The following CACNA2D2 variants were observed in gnomAD, a reference collection of about 807,000 sequenced individuals.
CACNA2D2 encodes calcium voltage-gated channel auxiliary subunit alpha2delta 2.
Under a neutral mutation model 166.4 loss-of-function variants are expected in CACNA2D2, and 48 were observed. The ratio of observed to expected loss-of-function variants is 0.29; its 90% CI spans 0.23 to 0.37. CACNA2D2 has a LOEUF of 0.37. CACNA2D2 is among the 10% of genes least tolerant of loss of function. The pLI is 1.00. For synonymous variants in CACNA2D2, 561 were observed against 573.7 expected (o/e 0.98, Z 0.32); for missense variants, 1,122 against 1,433.0 (o/e 0.78, Z 3.50).
intron 1 of CACNA2D2, among the ~76,000 whole-genome samples, chr3:50,502,966 G>T (rs1192746068): frequency 6.6e-6 from 1 of 152,222 alleles, no homozygotes; most frequent in Non-Finnish European, 1.5e-5. Context: ...GGGGCTTGAA[G>T]ATCTTGCCTT....
intron 13 of CACNA2D2, among the ~76,000 whole-genome samples, chr3:50,378,644 C>A (rs1705117158): frequency 6.6e-6 from 1 of 152,208 alleles, no homozygotes; most frequent in Non-Finnish European, 1.5e-5. Flanking sequence ...CCCAAGTGCA[C>A]AGAGAGATGG....
intron 1 of CACNA2D2, among the ~76,000 whole-genome samples, chr3:50,492,614 G>T (rs567575286): frequency 7.9e-5 from 12 of 152,330 alleles, no homozygotes; most frequent in Middle Eastern, 3.4e-3. Context: ...GTAAGGGTGG[G>T]GCTGTTCTAC....
intron 2 of CACNA2D2, among the ~76,000 whole-genome samples, chr3:50,438,593 C>T (rs1575686968): frequency 6.6e-6 from 1 of 152,176 alleles, no homozygotes; most frequent in Admixed American, 6.5e-5. Context: ...GAGCCAGCCT[C>T]GTTCCCACAG....
In CACNA2D2 at chr3:50,380,254, T is replaced by A. The variant is rs41308273; in HGVS notation, c.843-236A>T. The stretch of plus-strand genomic sequence containing the variant: ...TACCAGGGGGTATATGAGCAGGTGA[T>A]CCCCAGAGGGGGCAGGAGCCACATT... On this transcript the variant is annotated intron_variant, in intron 8 of 37. Coordinates refer to ENST00000424201, the MANE Select transcript of CACNA2D2 (RefSeq NM_006030.4). This position sits in a 1 kb window ranked among gnomAD's most constrained non-coding sequence, Gnocchi z 4.9. 0.027 allele frequency among the ~76,000 whole-genome samples: 4,115 copies of A among 152,338 alleles called. 92 individuals carry two copies. The highest frequency in any genetic ancestry group is 0.034 in the Non-Finnish European group (2,324 of 68,036).
chr3:50,497,694 A>G (rs1189010734), intron 1 of CACNA2D2, among the ~76,000 whole-genome samples: 6 of 152,148 alleles, frequency 3.9e-5, no homozygotes, highest in Non-Finnish European at 4.4e-5. Flanking sequence ...GGGAGGCCCC[A>G]AGAGACCCCT....
intron 1 of CACNA2D2, among the ~76,000 whole-genome samples, chr3:50,494,659 T>C (rs1016707785): frequency 2.0e-5 from 3 of 152,028 alleles, no homozygotes; most frequent in African/African-American, 4.8e-5. Flanking sequence ...ACCCATGCCA[T>C]AGATTTTATT....
At chr3:50,492,625 T>C (rs531062876) in intron 1 of CACNA2D2, among the ~76,000 whole-genome samples, 4 of 152,194 alleles carry the variant, frequency 2.6e-5, no homozygotes, top group South Asian at 2.1e-4. Flanking sequence ...GCTGTTCTAC[T>C]GGGAGGGGGA....
chr3:50,469,904 TG>T (rs147753161), intron 2 of CACNA2D2, among the ~76,000 whole-genome samples: 3,550 of 152,270 alleles, frequency 0.023, 68 homozygotes, highest in Non-Finnish European at 0.03. Context: ...CCCCATCCCC[TG>T]GGAACTGATC....
chr3:50,466,865 T>C (rs1709847222), intron 2 of CACNA2D2, among the ~76,000 whole-genome samples: 1 of 152,162 alleles, frequency 6.6e-6, no homozygotes, highest in African/African-American at 2.4e-5. Flanking sequence ...ACAACCCCCA[T>C]CTTCTGTCTG....
chr3:50,430,728 T>C (rs1708025064), intron 3 of CACNA2D2, among the ~76,000 whole-genome samples: 1 of 152,108 alleles, frequency 6.6e-6, no homozygotes, highest in African/African-American at 2.4e-5. Context: ...CTGATTTGGG[T>C]CCAAGTCTGC....
At chr3:50,480,383 G>A (rs2107110698) in intron 1 of CACNA2D2, among the ~76,000 whole-genome samples, 1 of 152,224 alleles carries the variant, frequency 6.6e-6, no homozygotes, top group South Asian at 2.1e-4. Flanking sequence ...GTCCCCTGAG[G>A]GCTAGCAGCT....
At chr3:50,468,442 G>GTGTGTGTGTGTGTGTGT (rs1553751798) in intron 2 of CACNA2D2, among the ~76,000 whole-genome samples, 1 of 52,576 alleles carries the variant, frequency 1.9e-5, no homozygotes. Flanking sequence ...TGTGTGTGTG[G>GTGTGTGTGTGTGTGTGT]CTTTAGGAAA....
At chr3:50,474,695 G>C (rs536755260) in intron 2 of CACNA2D2, among the ~76,000 whole-genome samples, 6 of 152,308 alleles carry the variant, frequency 3.9e-5, no homozygotes, top group African/African-American at 1.4e-4. Flanking sequence ...AACTTGGAAA[G>C]GTGCTGGCTG....
intron 3 of CACNA2D2, among the ~76,000 whole-genome samples, chr3:50,414,633 C>T (rs1707183698): frequency 6.6e-6 from 1 of 152,250 alleles, no homozygotes; most frequent in Non-Finnish European, 1.5e-5. Flanking sequence ...AAGCTGCACC[C>T]ACTACTGCCC....
chr3:50,438,444 T>C (rs1708444663), intron 2 of CACNA2D2, among the ~76,000 whole-genome samples: 1 of 152,184 alleles, frequency 6.6e-6, no homozygotes, highest in Non-Finnish European at 1.5e-5. Context: ...TGGGGGCTGA[T>C]GCCTCCTTAG....
chr3:50,435,661 G>A (rs192461344), intron 2 of CACNA2D2, among the ~76,000 whole-genome samples: 91 of 141,160 alleles, frequency 6.4e-4, no homozygotes, highest in African/African-American at 2.2e-3. Flanking sequence ...GGGGGGTTGG[G>A]TGCTGCTGGA....
In CACNA2D2 at chr3:50,391,117, C is replaced by T. The variant is rs181873864; in HGVS notation, c.465+2992G>A. Among the ~76,000 whole-genome samples the T allele has an allele frequency of 1.3e-3, 192 of 152,362 alleles. 1 individual carries two copies. The highest frequency in any genetic ancestry group is 4.2e-3 in the African/African-American group (176 of 41,584). On this transcript the variant is annotated intron_variant, in intron 4 of 37. Coordinates refer to ENST00000424201, the MANE Select transcript of CACNA2D2 (RefSeq NM_006030.4). ...AAGGCCACCTGTCCTGTCCAGCTGG[C>T]TCTTCTAGCCTGGCCCAGCCCCCTC...
rs59619552 is a variant in CACNA2D2, at chr3:50,438,371, G to C, written c.289-3942C>G. ...CTTCAACCCTCTCTCAGCTCTAGCA[G>C]TTCTTCAGTTAGGCATCAGGGCAAG... On this transcript the variant is annotated intron_variant, in intron 2 of 37. Transcript: ENST00000424201. 4.0e-3 allele frequency among the ~76,000 whole-genome samples: 610 copies of C among 152,256 alleles called. 7 individuals are homozygous for C. The East Asian group carries it at 0.049, about 12-fold the overall frequency.
intron 3 of CACNA2D2, among the ~76,000 whole-genome samples, chr3:50,418,871 G>A (rs74755659): frequency 5.8e-4 from 88 of 152,338 alleles, no homozygotes; most frequent in African/African-American, 2.1e-3. Context: ...GAGCCTTTGC[G>A]GGTATGGAGG....
Sources: gnomAD v4.1 joint callset for allele counts (sites outside exome capture counted in the v4.1 genomes callset) on GRCh38, gnomAD v4.1.1 for gene constraint, Gnocchi (gnomAD v3.1) non-coding constraint, MANE v1.5 for transcripts, NCBI Gene and HGNC (gene_info 2026-07-23, HGNC 2026-07-21) for gene names.